The following MAST3 variants were observed in gnomAD, a reference collection of about 807,000 sequenced individuals.
MAST3 encodes microtubule-associated serine/threonine-protein kinase 3.
A neutral mutation model predicts 127.0 loss-of-function variants in MAST3; 43 were observed. The observed-to-expected ratio is 0.34, with a 90% CI of 0.27 to 0.44. The LOEUF (loss-of-function observed/expected upper bound fraction) is 0.44. Ranked by LOEUF, MAST3 falls within the 20% of genes least tolerant of loss-of-function variation. MAST3 has a pLI of 1.00. For synonymous variants in MAST3, 785 were observed against 809.2 expected, an observed-to-expected ratio of 0.97 and a Z score of 0.51; for missense variants, 1,390 against 1,919.1, an observed-to-expected ratio of 0.72 and a Z score of 5.15.
chr19:18,117,987 G>T (rs1451175287), intron 3 of MAST3: 2 of 418,428 alleles, frequency 4.8e-6, no homozygotes, highest in Non-Finnish European at 6.4e-6. Flanking sequence ...CCCCGCACTC[G>T]CCTGGGCGGA....
At chr19:18,123,892 C>A in intron 8 of MAST3, 47 bp from the exon 9 acceptor site, 1 of 1,510,190 alleles carries the variant, frequency 6.6e-7, no homozygotes, top group Non-Finnish European at 8.9e-7. Flanking sequence ...GCGTGTGTCA[C>A]TCCAGCCCCG....
chr19:18,103,037 G>T (rs2037777415), intron 1 of MAST3, among the ~76,000 whole-genome samples: 1 of 152,102 alleles, frequency 6.6e-6, no homozygotes, highest in Non-Finnish European at 1.5e-5. Flanking sequence ...AGTTTCAGGG[G>T]GTCGGGGCCT....
chr19:18,118,138 C>T lies in MAST3; in HGVS notation c.162-3547C>T, dbSNP rs977688256. ...CGAGGCCTCCCTTCCCGGCCTCGGG[C>T]GGCTGCGGCGGCACAAAGGGAAGCA... On this transcript the variant is annotated intron_variant, in intron 3 of 27. Transcript: ENST00000687212. The T allele has an allele frequency of 5.5e-5, 54 of 985,292 alleles. No individual in the cohort carries two copies. The South Asian group carries it at 6.6e-4, about 12-fold the overall frequency. 61.0% of individuals were successfully genotyped at this position (985,292 alleles called of 1,614,324 possible).
chr19:18,122,299 G>C (rs1166498550), intron 5 of MAST3, among the ~76,000 whole-genome samples: 1 of 152,152 alleles, frequency 6.6e-6, no homozygotes, highest in Non-Finnish European at 1.5e-5. Flanking sequence ...CATTCATTAA[G>C]CACCCACTGT....
At chr19:18,118,576 CTG>C (rs1213668014) in intron 3 of MAST3, among the ~76,000 whole-genome samples, 2 of 152,144 alleles carry the variant, frequency 1.3e-5, no homozygotes, top group Non-Finnish European at 2.9e-5. Context: ...CTTGGAAAAA[CTG>C]AGGCTGATCT....
At chr19:18,121,204 G>A (rs559405448) in intron 3 of MAST3, among the ~76,000 whole-genome samples, 16 of 151,988 alleles carry the variant, frequency 1.1e-4, no homozygotes, top group Non-Finnish European at 2.1e-4. Context: ...CACCTAGGCT[G>A]GAGTGCTGTG....
chr19:18,100,217 C>G (rs947596065), intron 1 of MAST3, among the ~76,000 whole-genome samples: 2 of 151,416 alleles, frequency 1.3e-5, no homozygotes, highest in African/African-American at 4.8e-5. Context: ...CTCCACCTCC[C>G]GGGTTCAAGT....
chr19:18,121,552 G>C (rs62123598), intron 3 of MAST3, 133 bp from the exon 4 acceptor site: 95,785 of 752,276 alleles, frequency 0.13, 6,791 homozygotes, highest in Middle Eastern at 0.16. Flanking sequence ...CCCAGCTGGG[G>C]GCAGAGTGGG....
Position 18,124,785 on chromosome 19 carries a change from A to G in MAST3, c.1078+11A>G. 1.3e-6 allele frequency: 2 copies of G among 1,580,008 alleles called. No homozygotes were observed. The highest frequency in any genetic ancestry group is 8.6e-7 in the Non-Finnish European group (1 of 1,162,618). On this transcript the variant is annotated intron_variant, in intron 11 of 27. Coordinates refer to ENST00000687212, the MANE Select transcript of MAST3 (RefSeq NM_001393504.1). ...AGGACCCCCTGGAGGGTAAGCCGGGATGGGAAGAGGAAACCAAGGCTGGGA... is the reference window on the plus strand; with the variant it reads ...AGGACCCCCTGGAGGGTAAGCCGGGGTGGGAAGAGGAAACCAAGGCTGGGA...
At chr19:18,130,372 C>A in intron 13 of MAST3, 122 bp from the exon 14 acceptor site, 2 of 839,068 alleles carry the variant, frequency 2.4e-6, no homozygotes, top group Non-Finnish European at 3.7e-6. Flanking sequence ...GAATGGGTGG[C>A]CCAGGTGGAG....
intron 3 of MAST3, among the ~76,000 whole-genome samples, chr19:18,113,886 T>C (rs1044618078): frequency 6.6e-6 from 1 of 152,218 alleles, no homozygotes; most frequent in African/African-American, 2.4e-5. Flanking sequence ...GCATGAGCCA[T>C]TGTGCCTGGC....
intron 1 of MAST3, chr19:18,098,989 G>A: frequency 3.0e-6 from 1 of 328,048 alleles, no homozygotes; most frequent in Admixed American, 3.8e-5. Flanking sequence ...AGCCAAGGGT[G>A]GCGAGGCATT....
Position 18,145,205 on chromosome 19 carries a change from C to T in MAST3, c.3015C>T (p.Val1005=), listed in dbSNP as rs780608007. 1.8e-5 allele frequency: 29 copies of T among 1,613,820 alleles called. No homozygotes were observed. In the Middle Eastern group the frequency reaches 4.9e-4, roughly 27 times the overall value. Residue 1005 remains valine, a synonymous_variant, in exon 24 of 28, where the codon GTC becomes GTT. Coordinates refer to ENST00000687212, the MANE Select transcript of MAST3 (RefSeq NM_001393504.1). This position sits in a 1 kb window ranked among gnomAD's most constrained non-coding sequence, Gnocchi z 5.9. ...AIRVYMGDSD[V]YTVHHVVWSV... Reference sequence around the variant, plus strand: ...GCGTCTACATGGGTGATAGCGACGTCTACACTGTGCACCACGTCGTCTGGG... The same window carrying T: ...GCGTCTACATGGGTGATAGCGACGTTTACACTGTGCACCACGTCGTCTGGG...
chr19:18,123,974 C>G lies in MAST3; in HGVS notation c.669C>G (p.Phe223Leu). The G allele has an allele frequency of 6.3e-7, 1 of 1,581,714 alleles. No homozygotes were observed. Among genetic ancestry groups the G allele is most frequent in the East Asian group, 2.3e-5 (1 of 42,856 alleles). Residue 223 changes from phenylalanine to leucine, a missense_variant, in exon 9 of 28, where the codon TTC (phenylalanine) becomes TTG (leucine). Transcript: ENST00000687212. ...AGATGGAGGGCCGTCTGCAGGAGTT[C>G]CTGACGGCCTACGCGCCCGGCGCCC... ...TAQMEGRLQEFLTAYAPGARL... is the reference protein window; with the variant it reads ...TAQMEGRLQELLTAYAPGARL...
chr19:18,100,979 G>T (rs1188437124), intron 1 of MAST3, among the ~76,000 whole-genome samples: 1 of 152,230 alleles, frequency 6.6e-6, no homozygotes, highest in African/African-American at 2.4e-5. Context: ...TCTGAAAAAG[G>T]ATCCGGCCTG....
intron 1 of MAST3, among the ~76,000 whole-genome samples, chr19:18,101,485 C>T (rs144059634): frequency 6.6e-6 from 1 of 152,112 alleles, no homozygotes. Flanking sequence ...TGGTGCCCAG[C>T]AGGCTGAGTC....
chr19:18,124,940 CTA>C (rs2040428415), intron 11 of MAST3, among the ~76,000 whole-genome samples, 166 bp downstream of exon 11: 1 of 150,828 alleles, frequency 6.6e-6, no homozygotes, highest in South Asian at 2.1e-4. Flanking sequence ...AACCCCCCCC[CTA>C]CTAAAAATAC....
chr19:18,148,420 C>T (rs946508472), intron 27 of MAST3, among the ~76,000 whole-genome samples: 1 of 151,734 alleles, frequency 6.6e-6, no homozygotes, highest in Non-Finnish European at 1.5e-5. Flanking sequence ...CATGATTGCA[C>T]CACTGCACTC....
At position 18,149,482 on chromosome 19, in the gene MAST3, CAG is replaced by C; in HGVS notation, c.3801_3802del (p.Glu1269AlafsTer42). On this transcript the variant is annotated frameshift_variant, in exon 28 of 28. Transcript: ENST00000687212. LOFTEE classifies it low-confidence loss of function (END_TRUNC). The surrounding 1 kb of genome is among the most constrained non-coding windows in gnomAD (Gnocchi z 5.9). ...GGCCAGTCAGCTGACAAGCTGGGCA[CAG>C]GGGAGCGGCTGGATGGGGAGGCGGG... The C allele has an allele frequency of 5.2e-6, 8 of 1,544,636 alleles. No homozygotes were observed. Among genetic ancestry groups the C allele is most frequent in the Non-Finnish European group, 7.0e-6 (8 of 1,145,240 alleles).
Sources: gnomAD v4.1 joint callset for allele counts (sites outside exome capture counted in the v4.1 genomes callset) on GRCh38, gnomAD v4.1.1 for gene constraint, Gnocchi (gnomAD v3.1) non-coding constraint, MANE v1.5 for transcripts, NCBI Gene and HGNC (gene_info 2026-07-23, HGNC 2026-07-21) for gene names.